FBN3: variants seen among roughly 807,000 people sequenced by gnomAD.
FBN3 encodes fibrillin 3.
Under a neutral mutation model 330.1 loss-of-function variants are expected in FBN3, and 234 were observed. The observed-to-expected ratio is 0.71, with a 90% confidence interval of 0.64 to 0.79. FBN3 has a LOEUF of 0.79. FBN3 is among the 30% of genes least tolerant of loss of function. The probability of loss-of-function intolerance (pLI) is 0.00; values close to 1 mark genes in which losing one functional copy is unlikely to be tolerated. For synonymous variants in FBN3, 1,458 were observed against 1,517.3 expected (o/e 0.96, Z 0.91); for missense variants, 3,606 against 3,886.9 (o/e 0.93, Z 1.92).
chr19:8,097,237 C>T (rs45624733), intron 42 of FBN3, 52 bp downstream of exon 42: 453,516 of 1,572,062 alleles, frequency 0.29, 71,045 homozygotes, highest in Middle Eastern at 0.33. Context: ...TGCACAGTGG[C>T]GGACATGCAT....
chr19:8,136,008 A>T lies in FBN3; in HGVS notation c.1544T>A (p.Val515Asp). 2 of 1,482,764 alleles carry T rather than the reference A, an allele frequency of 1.3e-6. No homozygotes were observed. The highest frequency in any genetic ancestry group is 1.8e-6 in the Non-Finnish European group (2 of 1,102,300). The allele number at this position is 1,482,764 out of a possible 1,614,324, so 91.9% of individuals were successfully genotyped here. A position where few individuals can be genotyped will look rare whatever the true frequency, so the allele number is the denominator to read the frequency against. ...CVNTEGSFQC[V>D]CNAGFELSPD... ...GCTGAGCTCGAAGCCTGCATTGCAG[A>T]CACACTGGAAGCTGCCCTCTGTGTT... The change falls in exon 13 of 64, where the codon GTC (valine) becomes GAC (aspartate). Residue 515 changes from valine (V) to aspartate (D), a missense_variant. Coordinates refer to ENST00000600128, the MANE Select transcript of FBN3 (RefSeq NM_032447.5).
Position 8,116,557 on chromosome 19 carries a change from T to C in FBN3, c.3712+117A>G, listed in dbSNP as rs531487387. ...AAAGCCTCATCTTCCTACCTGCGAA[T>C]GGCAGGGGTGGGGCCTGGCATTTTT... On this transcript the variant is annotated intron_variant, in intron 29 of 63. Transcript: ENST00000600128. The C allele has an allele frequency of 7.4e-6, 8 of 1,081,686 alleles. No individual in the cohort carries two copies. The East Asian group carries it at 1.7e-4, about 23-fold the overall frequency. The allele number at this position is 1,081,686 out of a possible 1,614,324, so 67.0% of individuals were successfully genotyped here. A position where few individuals can be genotyped will look rare whatever the true frequency, so the allele number is the denominator to read the frequency against.
intron 13 of FBN3, 102 bp downstream of exon 13, chr19:8,135,859 G>A (rs891483521): frequency 1.1e-5 from 14 of 1,326,486 alleles, no homozygotes; most frequent in Admixed American, 1.0e-4. Flanking sequence ...GACGTCGTAG[G>A]GAGGGAGGTG....
At position 8,131,481 on chromosome 19, in the gene FBN3, C is replaced by G; in HGVS notation, c.1990+73G>C. On this transcript the variant is annotated intron_variant, in intron 15 of 63. Coordinates refer to ENST00000600128, the MANE Select transcript of FBN3 (RefSeq NM_032447.5). This position sits in a 1 kb window ranked among gnomAD's most constrained non-coding sequence, Gnocchi z 4.5. Reference sequence around the variant, plus strand: ...CCCCACTCCATGGCAGCCATGACCCCCCACCAGAAGCGAGAACCGATGGAG... The same window carrying G: ...CCCCACTCCATGGCAGCCATGACCCGCCACCAGAAGCGAGAACCGATGGAG... 6.5e-7 allele frequency: 1 copy of G among 1,539,448 alleles called. No homozygotes were observed. Among genetic ancestry groups the G allele is most frequent in the Non-Finnish European group, 8.8e-7 (1 of 1,134,998 alleles).
rs1382621727 is a variant in FBN3 at position 8,135,996 on chromosome 19, C to G, written c.1556G>C (p.Gly519Ala). The G allele has an allele frequency of 6.6e-7, 1 of 1,509,558 alleles. No individual in the cohort carries two copies. Among genetic ancestry groups the G allele is most frequent in the South Asian group, 1.1e-5 (1 of 87,146 alleles). 93.5% of individuals were successfully genotyped at this position (1,509,558 alleles called of 1,614,324 possible). A position where few individuals can be genotyped will look rare whatever the true frequency, so the allele number is the denominator to read the frequency against. Residue 519 changes from glycine to alanine, a missense_variant, in exon 13 of 64, where the codon GGC becomes GCC. Coordinates refer to ENST00000600128, the MANE Select transcript of FBN3 (RefSeq NM_032447.5). Reference protein sequence around the residue: ...EGSFQCVCNAGFELSPDGKNC... With the variant: ...EGSFQCVCNAAFELSPDGKNC... ...CTTGCCGTCAGGGCTGAGCTCGAAGCCTGCATTGCAGACACACTGGAAGCT... is the reference window on the plus strand; with the variant it reads ...CTTGCCGTCAGGGCTGAGCTCGAAGGCTGCATTGCAGACACACTGGAAGCT...
At chr19:8,078,018 G>A (rs1378254346) in intron 59 of FBN3, among the ~76,000 whole-genome samples, 1 of 151,726 alleles carries the variant, frequency 6.6e-6, no homozygotes, top group Non-Finnish European at 1.5e-5. Flanking sequence ...TGAGATTGCA[G>A]TGAGCTGAGA....
At position 8,109,706 on chromosome 19, in the gene FBN3, T is replaced by C. The variant is rs747431686; in HGVS notation, c.4381A>G (p.Ile1461Val). Residue 1461 changes from isoleucine (I) to valine (V), a missense_variant, in exon 35 of 64, where the codon ATT (isoleucine) becomes GTT (valine). Transcript: ENST00000600128. The surrounding 1 kb of genome is among the most constrained non-coding windows in gnomAD (Gnocchi z 5.2). ...CAGAGGTAGCTGCCGGGGGTGTTAA[T>C]GCACACGCCGTTGATGCAGTTTACT... is the stretch of plus-strand genomic sequence containing the variant. ...DPVNCINGVC[I>V]NTPGSYLCSC... 3 of 1,551,434 alleles carry C rather than the reference T, an allele frequency of 1.9e-6. No individual in the cohort carries two copies. Among genetic ancestry groups the C allele is most frequent in the Middle Eastern group, 3.5e-4 (2 of 5,784 alleles).
At position 8,129,046 on chromosome 19, in the gene FBN3, C is replaced by T. The variant is rs1055673949; in HGVS notation, c.2278G>A (p.Asp760Asn). ...SCPPGFHFWQ[D>N]TEICKDVDEC... is the part of the protein sequence containing the mutation. Reference sequence around the variant, plus strand: ...CCAGTACCTTTGCAGATCTCCGTGTCCTGCCAGAAGTGGAAGCCGGGGGGG... The same window carrying T: ...CCAGTACCTTTGCAGATCTCCGTGTTCTGCCAGAAGTGGAAGCCGGGGGGG... Residue 760 changes from aspartate (D) to asparagine (N), a missense_variant, in exon 18 of 64, where the codon GAC becomes AAC. By Grantham distance (23) the Asp-to-Asn change is conservative. Transcript: ENST00000600128. The surrounding 1 kb of genome is among the most constrained non-coding windows in gnomAD (Gnocchi z 4.5). The T allele has an allele frequency of 1.2e-6, 2 of 1,613,178 alleles. No individual in the cohort carries two copies. Among genetic ancestry groups the T allele is most frequent in the African/African-American group, 2.7e-5 (2 of 74,918 alleles).
intron 59 of FBN3, among the ~76,000 whole-genome samples, chr19:8,079,607 T>G (rs1170227634): frequency 3.3e-5 from 5 of 152,090 alleles, no homozygotes; most frequent in Non-Finnish European, 5.9e-5. Flanking sequence ...TTTGTTTGTT[T>G]GTTTGTTTTC....
intron 29 of FBN3, 44 bp from the exon 30 acceptor site, chr19:8,115,684 G>T: frequency 6.2e-7 from 1 of 1,605,160 alleles, no homozygotes. Flanking sequence ...GGGTGCAGGG[G>T]TGACAGGAGA....
rs893544424 is a variant in FBN3 at position 8,109,536 on chromosome 19, T to C, written c.4456+95A>G. 6.5e-7 allele frequency: 1 copy of C among 1,542,508 alleles called. No individual in the cohort carries two copies. The highest frequency in any genetic ancestry group is 1.4e-5 in the African/African-American group (1 of 73,572). Reference sequence around the variant, plus strand: ...GTCCCGTTTGTCAGGAGCAGGTAGATTTGAACACGTTGACATCTGAGTTAA... The same window carrying C: ...GTCCCGTTTGTCAGGAGCAGGTAGACTTGAACACGTTGACATCTGAGTTAA... On this transcript the variant is annotated intron_variant, in intron 35 of 63. Coordinates refer to ENST00000600128, the MANE Select transcript of FBN3 (RefSeq NM_032447.5). The surrounding 1 kb of genome is among the most constrained non-coding windows in gnomAD (Gnocchi z 5.2).
chr19:8,096,921 G>A lies in FBN3; in HGVS notation c.5373C>T (p.Cys1791=). 6.2e-7 allele frequency: 1 copy of A among 1,613,758 alleles called. No homozygotes were observed. The highest frequency in any genetic ancestry group is 1.1e-5 in the South Asian group (1 of 91,090). Residue 1791 remains cysteine (C), a synonymous_variant, in exon 43 of 64, where the codon TGC becomes TGT. Coordinates refer to ENST00000600128, the MANE Select transcript of FBN3 (RefSeq NM_032447.5). This position sits in a 1 kb window ranked among gnomAD's most constrained non-coding sequence, Gnocchi z 4.6. ...INIPGSYRCK[C]TRGYKLSPGG... ...CTGGCGACAGTTTGTACCCTCGGGTGCACTTGCAGCGGTAGCTACCGGGGA... is the reference window on the plus strand; with the variant it reads ...CTGGCGACAGTTTGTACCCTCGGGTACACTTGCAGCGGTAGCTACCGGGGA...
At chr19:8,102,601 T>C in intron 40 of FBN3, 123 bp downstream of exon 40, 1 of 959,112 alleles carries the variant, frequency 1.0e-6, no homozygotes. Flanking sequence ...GGACAAAACT[T>C]CAACTCTCTG....
At chr19:8,070,488 G>A (rs763373238) in intron 63 of FBN3, among the ~76,000 whole-genome samples, 1 of 152,166 alleles carries the variant, frequency 6.6e-6, no homozygotes, top group Non-Finnish European at 1.5e-5. Context: ...TGCAGTGGGG[G>A]TGAGTTTGGG....
At chr19:8,102,316 G>A (rs923787163) in intron 40 of FBN3, among the ~76,000 whole-genome samples, 4 of 151,920 alleles carry the variant, frequency 2.6e-5, no homozygotes, top group African/African-American at 9.7e-5. Context: ...CCGGGTTCAA[G>A]CGATTCTCTT....
chr19:8,072,071 G>C lies in FBN3; in HGVS notation c.8065C>G (p.Arg2689Gly), dbSNP rs369315242. The C allele has an allele frequency of 1.6e-5, 25 of 1,612,402 alleles. No homozygotes were observed. Among genetic ancestry groups the C allele is most frequent in the Non-Finnish European group, 2.0e-5 (24 of 1,179,736 alleles). ...NGLSPRDRPR[R>G]SAHRDHQVNL... ...ACCTGGTGGTCCCTGTGGGCACTGC[G>C]TCGTGGCCGGTCCCGAGGGGAGAGG... The change falls in exon 63 of 64, where the codon CGC (arginine) becomes GGC (glycine). Residue 2689 changes from arginine (R) to glycine (G), a missense_variant. Physicochemically the swap from Arg to Gly is moderately radical, Grantham distance 125. Transcript: ENST00000600128.
At position 8,138,421 on chromosome 19, in the gene FBN3, G is replaced by C; in HGVS notation, c.1009C>G (p.Arg337Gly). 1 of 1,611,852 alleles carries C rather than the reference G, an allele frequency of 6.2e-7. No homozygotes were observed. The highest frequency in any genetic ancestry group is 8.5e-7 in the Non-Finnish European group (1 of 1,178,862). ...TGCAGCTCTTACTCACTGGAGCCCC[G>C]AGGAGGACACAGCTCAGGGACCGGG... ...AGPVPELCPP[R>G]GSNEFQQLCA... The change falls in exon 9 of 64, where the codon CGG (arginine) becomes GGG (glycine). Residue 337 changes from arginine to glycine, a missense_variant. Physicochemically the swap from Arg to Gly is moderately radical, Grantham distance 125. Coordinates refer to ENST00000600128, the MANE Select transcript of FBN3 (RefSeq NM_032447.5).
intron 25 of FBN3, among the ~76,000 whole-genome samples, chr19:8,120,942 G>C (rs2082832505): frequency 6.6e-6 from 1 of 152,174 alleles, no homozygotes; most frequent in Non-Finnish European, 1.5e-5. Flanking sequence ...TCAATGATGG[G>C]GACGAGAGGC....
intron 8 of FBN3, among the ~76,000 whole-genome samples, chr19:8,141,511 C>G (rs74991001): frequency 6.6e-6 from 1 of 152,110 alleles, no homozygotes; most frequent in South Asian, 2.1e-4. Flanking sequence ...CAGGTGCACA[C>G]GTAGCTCCCG....
Sources: allele counts gnomAD v4.1 joint callset (sites outside exome capture counted in the v4.1 genomes callset), GRCh38; gene constraint gnomAD v4.1.1; non-coding constraint Gnocchi (gnomAD v3.1); transcripts MANE v1.5; gene names NCBI Gene and HGNC (gene_info 2026-07-23, HGNC 2026-07-21).